BRINP3: variants seen among roughly 807,000 people sequenced by gnomAD.
BRINP3 encodes the protein BMP/retinoic acid inducible neural specific 3.
In BRINP3, 19 loss-of-function variants were observed where a neutral mutation model predicts 71.0. The observed-to-expected ratio is 0.27, with a 90% CI of 0.19 to 0.39. The LOEUF (loss-of-function observed/expected upper bound fraction) is 0.39. BRINP3 is among the 10% of genes least tolerant of loss of function. BRINP3 has a pLI of 1.00. For missense variants in BRINP3, 959 were observed against 940.8 expected (o/e 1.02, Z -0.25); for synonymous variants, 380 against 337.7 (o/e 1.13, Z -1.37).
chr1:190,355,524 C>T (rs1668671121), intron 2 of BRINP3, among the ~76,000 whole-genome samples: 1 of 151,874 alleles, frequency 6.6e-6, no homozygotes, highest in East Asian at 1.9e-4. Flanking sequence ...TTCTTTTTTA[C>T]TGCTATAAAC....
At chr1:190,191,132 C>A (rs554003725) in intron 6 of BRINP3, among the ~76,000 whole-genome samples, 1 of 152,222 alleles carries the variant, frequency 6.6e-6, no homozygotes, top group Admixed American at 6.5e-5. Flanking sequence ...AATCATCAAT[C>A]ATTCAGTTTC....
intron 2 of BRINP3, among the ~76,000 whole-genome samples, chr1:190,290,008 T>C (rs1663738201): frequency 6.6e-6 from 1 of 152,024 alleles, no homozygotes; most frequent in Non-Finnish European, 1.5e-5. Context: ...AATCATGAAA[T>C]GAGTAAATAT....
chr1:190,360,657 A>G (rs1669081595), intron 2 of BRINP3, among the ~76,000 whole-genome samples: 1 of 152,122 alleles, frequency 6.6e-6, no homozygotes, highest in Non-Finnish European at 1.5e-5. Context: ...TGGGGAAGTC[A>G]ATGGCATTGA....
intron 6 of BRINP3, among the ~76,000 whole-genome samples, chr1:190,213,250 A>G (rs967403574): frequency 2.6e-5 from 4 of 152,082 alleles, no homozygotes; most frequent in African/African-American, 9.7e-5. Context: ...ATAGTGACAC[A>G]TAGCTCCAGA....
At chr1:190,371,431 G>A (rs1414287322) in intron 2 of BRINP3, among the ~76,000 whole-genome samples, 1 of 152,174 alleles carries the variant, frequency 6.6e-6, no homozygotes, top group African/African-American at 2.4e-5. Flanking sequence ...TGAAGACACT[G>A]TCCTTTCCCC....
intron 2 of BRINP3, among the ~76,000 whole-genome samples, chr1:190,362,776 T>G (rs1047074039): frequency 1.3e-5 from 2 of 152,298 alleles, no homozygotes; most frequent in Admixed American, 6.5e-5. Flanking sequence ...TCTGCTGCCA[T>G]GTAAGACATG....
chr1:190,428,720 C>T (rs1488746852), intron 2 of BRINP3, among the ~76,000 whole-genome samples: 2 of 152,024 alleles, frequency 1.3e-5, no homozygotes, highest in African/African-American at 4.8e-5. Context: ...ATCCTACTTA[C>T]CTTGATTTGA....
intron 2 of BRINP3, among the ~76,000 whole-genome samples, chr1:190,338,493 CGGCACTGCTACT>C (rs1667437438): frequency 6.6e-6 from 1 of 151,770 alleles, no homozygotes; most frequent in African/African-American, 2.4e-5. Context: ...TTATTTGTAC[CGGCACTGCTACT>C]AGTTATGATA....
Position 190,457,944 on chromosome 1 carries a change from T to C in BRINP3, c.-50-3004A>G, listed in dbSNP as rs574956931. Among the ~76,000 whole-genome samples, 410 of 152,052 alleles carry C rather than the reference T, an allele frequency of 2.7e-3. 2 individuals carry two copies. Among genetic ancestry groups the C allele is most frequent in the Admixed American group, 3.9e-3 (59 of 15,264 alleles). On this transcript the variant is annotated intron_variant, in intron 1 of 7. Coordinates refer to ENST00000367462, the MANE Select transcript of BRINP3 (RefSeq NM_199051.3). ...TAAAAAAAAAAAAAACTATATTGTGTATATTTAAGGCGTATAGCATGATGT... is the reference window on the plus strand; with the variant it reads ...TAAAAAAAAAAAAAACTATATTGTGCATATTTAAGGCGTATAGCATGATGT...
intron 3 of BRINP3, among the ~76,000 whole-genome samples, chr1:190,272,616 T>C (rs1452024605): frequency 2.0e-5 from 3 of 151,498 alleles, no homozygotes; most frequent in South Asian, 2.1e-4. Flanking sequence ...TAGGATTTCA[T>C]AGTTTTTTAA....
intron 6 of BRINP3, among the ~76,000 whole-genome samples, chr1:190,218,754 C>T (rs1040887955): frequency 6.6e-6 from 1 of 152,062 alleles, no homozygotes; most frequent in Non-Finnish European, 1.5e-5. Flanking sequence ...CTTGTCCCCT[C>T]TATTCACCAA....
intron 2 of BRINP3, among the ~76,000 whole-genome samples, chr1:190,444,188 G>A (rs1474922646): frequency 8.1e-6 from 1 of 124,174 alleles, no homozygotes; most frequent in African/African-American, 3.0e-5. Flanking sequence ...GTGACCGGAC[G>A]ACATTGTGCC....
At chr1:190,419,668 G>C (rs181691397) in intron 2 of BRINP3, among the ~76,000 whole-genome samples, 1 of 142,852 alleles carries the variant, frequency 7.0e-6, no homozygotes, top group African/African-American at 2.6e-5. Flanking sequence ...GTTTTAAAAC[G>C]TTATATTCAC....
intron 1 of BRINP3, among the ~76,000 whole-genome samples, chr1:190,465,223 T>A (rs563587848): frequency 1.3e-5 from 2 of 152,130 alleles, no homozygotes; most frequent in Admixed American, 1.3e-4. Context: ...GTACTTCATT[T>A]TAATTCATAA....
intron 2 of BRINP3, among the ~76,000 whole-genome samples, chr1:190,318,140 T>A (rs1028522833): frequency 6.6e-6 from 1 of 152,136 alleles, no homozygotes; most frequent in Non-Finnish European, 1.5e-5. Flanking sequence ...AAGTTTAATC[T>A]TAATAGTAGC....
intron 7 of BRINP3, among the ~76,000 whole-genome samples, chr1:190,148,054 T>A (rs1358353747): frequency 6.6e-6 from 1 of 152,188 alleles, no homozygotes; most frequent in Admixed American, 6.5e-5. Context: ...AACTAATTGA[T>A]GAACTAAGAA....
chr1:190,340,158 T>G (rs1457793201), intron 2 of BRINP3, among the ~76,000 whole-genome samples: 1 of 151,884 alleles, frequency 6.6e-6, no homozygotes, highest in Non-Finnish European at 1.5e-5. Flanking sequence ...AAGAAAAGCT[T>G]TCAATTCAAT....
At chr1:190,302,495 G>A (rs1009766859) in intron 2 of BRINP3, among the ~76,000 whole-genome samples, 8 of 151,572 alleles carry the variant, frequency 5.3e-5, no homozygotes, top group Admixed American at 1.3e-4. Flanking sequence ...GTAACTGTTC[G>A]GTATGTTAAT....
chr1:190,375,693 T>A (rs958531222), intron 2 of BRINP3, among the ~76,000 whole-genome samples: 6 of 151,974 alleles, frequency 3.9e-5, no homozygotes, highest in African/African-American at 1.4e-4. Context: ...GCTGCTAACC[T>A]AATTACAGTT....
Sources: gnomAD v4.1 joint callset for allele counts (sites outside exome capture counted in the v4.1 genomes callset) on GRCh38, gnomAD v4.1.1 for gene constraint, MANE v1.5 for transcripts, NCBI Gene and HGNC (gene_info 2026-07-23, HGNC 2026-07-21) for gene names.